The following GALNT13 variants were observed in gnomAD, a reference collection of about 807,000 sequenced individuals.
The protein encoded by GALNT13 is polypeptide N-acetylgalactosaminyltransferase 13.
Under a neutral mutation model 64.2 loss-of-function variants are expected in GALNT13, and 28 were observed. The observed-to-expected ratio is 0.44, with a 90% confidence interval of 0.32 to 0.60. The LOEUF (loss-of-function observed/expected upper bound fraction) is 0.60, where lower values mean the gene tolerates loss of function less well. GALNT13 is among the 20% of genes least tolerant of loss of function. The probability of loss-of-function intolerance (pLI) is 0.05; values close to 1 mark genes in which losing one functional copy is unlikely to be tolerated. For synonymous variants in GALNT13, 214 were observed against 224.6 expected, an observed-to-expected ratio of 0.95 and a Z score of 0.42; for missense variants, 577 against 669.8, an observed-to-expected ratio of 0.86 and a Z score of 1.53.
chr2:153,152,143 G>A, the GALNT13 span, among the ~76,000 whole-genome samples: 14 of 151,866 alleles, frequency 9.2e-5, no homozygotes, highest in South Asian at 2.1e-4. Flanking sequence ...TCTGAAGTCT[G>A]TAACATGGAG....
chr2:154,308,392 TTCTA>T (rs372956319), intron 9 of GALNT13, among the ~76,000 whole-genome samples: 3 of 152,180 alleles, frequency 2.0e-5, no homozygotes, highest in Non-Finnish European at 4.4e-5. Flanking sequence ...CTCTTGAAAT[TTCTA>T]TCTATGAAAT....
chr2:153,720,144 T>TCCCTGAC, the GALNT13 span, among the ~76,000 whole-genome samples: 3 of 144,800 alleles, frequency 2.1e-5, no homozygotes, highest in African/African-American at 7.8e-5. Context: ...CTCAAGTGGG[T>TCCCTGAC]CCCTGACCCC....
At chr2:154,022,702 C>T (rs931557474) in intron 3 of GALNT13, among the ~76,000 whole-genome samples, 6 of 152,168 alleles carry the variant, frequency 3.9e-5, no homozygotes, top group Non-Finnish European at 8.8e-5. Context: ...TCCTTCAGTT[C>T]TGCTCTGATC....
intron 9 of GALNT13, among the ~76,000 whole-genome samples, chr2:154,379,402 A>G (rs1468933107): frequency 6.6e-6 from 1 of 152,024 alleles, no homozygotes; most frequent in Non-Finnish European, 1.5e-5. Flanking sequence ...AATAGTAGAT[A>G]TCATGGTTAT....
In GALNT13 at chr2:154,226,840, C is replaced by A. The variant is rs116102322; in HGVS notation, c.312-15190C>A. On this transcript the variant is annotated intron_variant, in intron 4 of 12. Coordinates refer to ENST00000392825, the MANE Select transcript of GALNT13 (RefSeq NM_052917.4). Reference sequence around the variant, plus strand: ...TTTAGTGTCAGAAATTCATGATATTCAATTTCAGAGTATTATTAAATACCA... The same window carrying A: ...TTTAGTGTCAGAAATTCATGATATTAAATTTCAGAGTATTATTAAATACCA... Among the ~76,000 whole-genome samples the A allele has an allele frequency of 5.6e-3, 849 of 152,092 alleles. 8 individuals carry two copies. Among genetic ancestry groups the A allele is most frequent in the African/African-American group, 0.018 (764 of 41,508 alleles).
chr2:153,313,845 A>T, the GALNT13 span, among the ~76,000 whole-genome samples: 2 of 152,324 alleles, frequency 1.3e-5, no homozygotes, highest in African/African-American at 2.4e-5. Context: ...TGAAAGATAT[A>T]AACTTAGAGG....
the GALNT13 span, among the ~76,000 whole-genome samples, chr2:153,258,988 C>T: frequency 6.6e-6 from 1 of 152,092 alleles, no homozygotes; most frequent in African/African-American, 2.4e-5. Flanking sequence ...GCTGATATGT[C>T]TGATGTTTCT....
the GALNT13 span, among the ~76,000 whole-genome samples, chr2:153,437,709 C>A: frequency 6.7e-6 from 1 of 149,874 alleles, no homozygotes; most frequent in East Asian, 2.0e-4. Context: ...TTATTTTGAG[C>A]CTATGTGTGT....
At chr2:153,143,350 A>G in the GALNT13 span, among the ~76,000 whole-genome samples, 25 of 152,148 alleles carry the variant, frequency 1.6e-4, no homozygotes, top group African/African-American at 5.3e-4. Context: ...GCCTCCTTCT[A>G]TCCTTTCTTT....
chr2:153,587,378 T>C, the GALNT13 span, among the ~76,000 whole-genome samples: 1 of 152,112 alleles, frequency 6.6e-6, no homozygotes, highest in African/African-American at 2.4e-5. Flanking sequence ...ACACCACTGA[T>C]AAAAACATAC....
intron 3 of GALNT13, among the ~76,000 whole-genome samples, chr2:154,006,255 A>G (rs1696243376): frequency 6.6e-6 from 1 of 152,160 alleles, no homozygotes; most frequent in Non-Finnish European, 1.5e-5. Context: ...TGATTGTTTT[A>G]TAGAGAAGAT....
the GALNT13 span, among the ~76,000 whole-genome samples, chr2:153,163,467 T>C: frequency 3.9e-5 from 6 of 152,172 alleles, no homozygotes; most frequent in African/African-American, 1.4e-4. Context: ...GCTTCTTGAC[T>C]TCTTCCTCAA....
At chr2:154,141,377 C>T (rs376818336) in intron 4 of GALNT13, among the ~76,000 whole-genome samples, 1 of 151,970 alleles carries the variant, frequency 6.6e-6, no homozygotes, top group African/African-American at 2.4e-5. Flanking sequence ...AGTATTAATA[C>T]TTACCTTAAA....
chr2:153,872,804 C>T (rs974034094), intron 1 of GALNT13, among the ~76,000 whole-genome samples: 2 of 152,150 alleles, frequency 1.3e-5, no homozygotes, highest in Non-Finnish European at 2.9e-5. Context: ...TCTTCCTCGA[C>T]GGTTGCCTTC....
chr2:154,320,457 T>C (rs1694562297), intron 9 of GALNT13, among the ~76,000 whole-genome samples: 1 of 152,158 alleles, frequency 6.6e-6, no homozygotes, highest in African/African-American at 2.4e-5. Flanking sequence ...GCCTTCTGAG[T>C]ATAAATTCAG....
chr2:153,321,469 A>G, the GALNT13 span, among the ~76,000 whole-genome samples: 1 of 152,212 alleles, frequency 6.6e-6, no homozygotes, highest in East Asian at 1.9e-4. Flanking sequence ...ATATAAGCAC[A>G]TATTAAGTTT....
chr2:154,065,990 A>G (rs1354257475), intron 3 of GALNT13, among the ~76,000 whole-genome samples: 1 of 152,228 alleles, frequency 6.6e-6, no homozygotes, highest in Admixed American at 6.5e-5. Flanking sequence ...ACAAAGAGAA[A>G]GAATTTAAAA....
At chr2:153,789,441 C>A in the GALNT13 span, among the ~76,000 whole-genome samples, 1 of 152,088 alleles carries the variant, frequency 6.6e-6, no homozygotes, top group Non-Finnish European at 1.5e-5. Context: ...ATAGCTAAGG[C>A]AGTATTACTA....
At chr2:153,671,364 C>A in the GALNT13 span, among the ~76,000 whole-genome samples, 2 of 152,130 alleles carry the variant, frequency 1.3e-5, no homozygotes, top group African/African-American at 4.8e-5. Context: ...CTGCAGAAAC[C>A]TTACAAGCCA....
Sources: allele counts gnomAD v4.1 joint callset (sites outside exome capture counted in the v4.1 genomes callset), GRCh38; gene constraint gnomAD v4.1.1; transcripts MANE v1.5; gene names NCBI Gene and HGNC (gene_info 2026-07-23, HGNC 2026-07-21).